Variants in FOXP1 observed in about 807,000 individuals in gnomAD.
The protein encoded by FOXP1 is forkhead box P1, also known as forkhead box protein P1.
FOXP1 carries 15 observed loss-of-function variants against 98.2 expected under a neutral mutation model. That is an observed-to-expected ratio of 0.15 (90% CI 0.10 to 0.24). The LOEUF is 0.24. Ranked by LOEUF, FOXP1 falls within the 10% of genes least tolerant of loss-of-function variation. The pLI is 1.00. For synonymous variants in FOXP1, 371 were observed against 314.5 expected (o/e 1.18, Z -1.90); for missense variants, 633 against 848.5 (o/e 0.75, Z 3.15).
intron 11 of FOXP1, among the ~76,000 whole-genome samples, chr3:71,021,373 T>C (rs2045408288): frequency 6.6e-6 from 1 of 152,250 alleles, no homozygotes; most frequent in African/African-American, 2.4e-5. Context: ...CATTTACTAG[T>C]ACTTTATTCC....
At chr3:70,975,071 C>G (rs138686763) in intron 17 of FOXP1, among the ~76,000 whole-genome samples, 2 of 152,116 alleles carry the variant, frequency 1.3e-5, no homozygotes, top group African/African-American at 4.8e-5. Context: ...GAAAATTATA[C>G]GTATTTATGA....
intron 3 of FOXP1, among the ~76,000 whole-genome samples, chr3:71,387,287 A>G (rs954781152): frequency 6.6e-6 from 1 of 152,210 alleles, no homozygotes; most frequent in African/African-American, 2.4e-5. Flanking sequence ...CGTGCACACA[A>G]TGGGGCATAG....
At chr3:71,023,519 C>T (rs924962424) in intron 11 of FOXP1, among the ~76,000 whole-genome samples, 1 of 152,214 alleles carries the variant, frequency 6.6e-6, no homozygotes, top group African/African-American at 2.4e-5. Flanking sequence ...GAAGCCACTA[C>T]TATTTTAAAG....
At chr3:71,525,905 C>A (rs570783166) in intron 2 of FOXP1, among the ~76,000 whole-genome samples, 1 of 152,146 alleles carries the variant, frequency 6.6e-6, no homozygotes, top group East Asian at 1.9e-4. Context: ...CACTTGACGT[C>A]AGGAGTTCGA....
chr3:71,465,367 T>C (rs1344259145), intron 3 of FOXP1, among the ~76,000 whole-genome samples: 2 of 151,096 alleles, frequency 1.3e-5, no homozygotes, highest in African/African-American at 4.9e-5. Context: ...CAGGCTAGAA[T>C]TGTCATCTTC....
chr3:71,087,642 C>A (rs190704977), intron 7 of FOXP1, among the ~76,000 whole-genome samples: 3 of 152,286 alleles, frequency 2.0e-5, no homozygotes, highest in Admixed American at 2.0e-4. Flanking sequence ...TTTACTGATT[C>A]AAGTTCAGAA....
intron 4 of FOXP1, among the ~76,000 whole-genome samples, chr3:71,340,628 G>GA (rs1181609438): frequency 2.9e-4 from 44 of 152,292 alleles, no homozygotes; most frequent in African/African-American, 8.9e-4. Context: ...TAGTGGAGAC[G>GA]AAACAATGAT....
intron 10 of FOXP1, among the ~76,000 whole-genome samples, chr3:71,042,445 C>T (rs963430706): frequency 3.9e-5 from 6 of 152,064 alleles, no homozygotes; most frequent in African/African-American, 1.4e-4. Context: ...TTCCAAATCC[C>T]ACCTCAATGC....
chr3:71,218,985 A>T (rs1197141309), intron 5 of FOXP1, among the ~76,000 whole-genome samples: 1 of 152,166 alleles, frequency 6.6e-6, no homozygotes, highest in Non-Finnish European at 1.5e-5. Context: ...CTCAAACTGA[A>T]ATTATTTATT....
intron 7 of FOXP1, among the ~76,000 whole-genome samples, chr3:71,084,044 G>A (rs969405182): frequency 6.6e-6 from 1 of 152,022 alleles, no homozygotes; most frequent in African/African-American, 2.4e-5. Context: ...ATTCTGGGAG[G>A]GATTCCCCAA....
intron 2 of FOXP1, among the ~76,000 whole-genome samples, chr3:71,517,672 T>C (rs1438747275): frequency 6.6e-6 from 1 of 152,190 alleles, no homozygotes; most frequent in East Asian, 1.9e-4. Context: ...GAAAACACTC[T>C]CTTTTATTGA....
intron 3 of FOXP1, among the ~76,000 whole-genome samples, chr3:71,454,278 C>T (rs577665058): frequency 2.0e-5 from 3 of 152,232 alleles, no homozygotes; most frequent in South Asian, 4.1e-4. Context: ...CTAGGGTCGC[C>T]GGGGCTAATC....
At chr3:71,222,660 C>T (rs2065489821) in intron 5 of FOXP1, among the ~76,000 whole-genome samples, 1 of 152,210 alleles carries the variant, frequency 6.6e-6, no homozygotes, top group African/African-American at 2.4e-5. Flanking sequence ...CTCAGGTTAT[C>T]TGCCTGCCTT....
At chr3:71,581,797 A>G (rs1311915124) in intron 1 of FOXP1, 100 bp from the exon 2 acceptor site, 2 of 985,916 alleles carry the variant, frequency 2.0e-6, no homozygotes, top group Non-Finnish European at 2.4e-6. Flanking sequence ...CCGAGGGGCC[A>G]GGACAGAGAG....
intron 7 of FOXP1, among the ~76,000 whole-genome samples, chr3:71,083,140 C>T (rs930933347): frequency 2.0e-5 from 3 of 152,098 alleles, no homozygotes; most frequent in Non-Finnish European, 4.4e-5. Flanking sequence ...GGAGGTGGGG[C>T]CTGGTGGGAG....
At chr3:71,581,815 G>C in intron 1 of FOXP1, 118 bp from the exon 2 acceptor site, 1 of 986,122 alleles carries the variant, frequency 1.0e-6, no homozygotes, top group Non-Finnish European at 1.2e-6. Context: ...GAGGGCAGCG[G>C]GCTCCGAGGA....
At chr3:71,103,840 T>C (rs980316627) in intron 7 of FOXP1, among the ~76,000 whole-genome samples, 4 of 152,196 alleles carry the variant, frequency 2.6e-5, no homozygotes, top group Admixed American at 2.6e-4. Context: ...TATCGCACAC[T>C]GTGAGACTCA....
intron 2 of FOXP1, among the ~76,000 whole-genome samples, chr3:71,575,398 C>G (rs981889193): frequency 2.6e-5 from 4 of 152,130 alleles, no homozygotes; most frequent in African/African-American, 9.7e-5. Flanking sequence ...GTTACCATGT[C>G]AATCAGCAAA....
chr3:71,123,047 C>T (rs998309966), intron 6 of FOXP1, among the ~76,000 whole-genome samples: 3 of 152,080 alleles, frequency 2.0e-5, no homozygotes, highest in Admixed American at 1.3e-4. Flanking sequence ...TTCAACCAGA[C>T]CTTTCCATGG....
Sources: allele counts gnomAD v4.1 joint callset (sites outside exome capture counted in the v4.1 genomes callset), GRCh38; gene constraint gnomAD v4.1.1; transcripts MANE v1.5; gene names NCBI Gene and HGNC (gene_info 2026-07-23, HGNC 2026-07-21).